TACC2: variants seen among roughly 807,000 people sequenced by gnomAD.
TACC2 encodes the protein transforming acidic coiled-coil-containing protein 2.
A neutral mutation model predicts 227.3 loss-of-function variants in TACC2; 137 were observed. The observed-to-expected ratio is 0.60, with a 90% CI of 0.52 to 0.69. The LOEUF is 0.69. Ranked by LOEUF, TACC2 falls within the 30% of genes least tolerant of loss-of-function variation. The pLI is 0.00. For synonymous variants in TACC2, 1,523 were observed against 1,487.5 expected, an observed-to-expected ratio of 1.02 and a Z score of -0.55; for missense variants, 3,470 against 3,694.4, an observed-to-expected ratio of 0.94 and a Z score of 1.57.
intron 7 of TACC2, among the ~76,000 whole-genome samples, chr10:122,189,592 T>C (rs927059397): frequency 7.2e-5 from 11 of 152,312 alleles, no homozygotes; most frequent in African/African-American, 2.6e-4. Context: ...CCCAAGACCC[T>C]CCCTCCAGTT....
intron 10 of TACC2, 91 bp from the exon 11 acceptor site, chr10:122,216,536 T>C: frequency 7.4e-7 from 1 of 1,342,870 alleles, no homozygotes; most frequent in Non-Finnish European, 1.0e-6. Flanking sequence ...CCGGGACCTG[T>C]CCTGGCTAAT....
intron 18 of TACC2, among the ~76,000 whole-genome samples, chr10:122,241,367 C>T (rs2095988764): frequency 6.6e-6 from 1 of 152,222 alleles, no homozygotes; most frequent in African/African-American, 2.4e-5. Context: ...TCATAGCTCA[C>T]TGTAGCCTCA....
At chr10:122,198,379 G>A (rs995411511) in intron 8 of TACC2, among the ~76,000 whole-genome samples, 1 of 152,148 alleles carries the variant, frequency 6.6e-6, no homozygotes, top group Non-Finnish European at 1.5e-5. Context: ...TTCCAGCTCC[G>A]GCCTCCCGAG....
chr10:122,248,420 G>A (rs2295880), intron 19 of TACC2: 43,700 of 572,260 alleles, frequency 0.076, 2,030 homozygotes, highest in East Asian at 0.15. Flanking sequence ...TCTACCTCAC[G>A]CGAGGCTGCA....
chr10:122,129,706 G>T (rs941843792), intron 5 of TACC2, among the ~76,000 whole-genome samples: 1 of 152,074 alleles, frequency 6.6e-6, no homozygotes, highest in Non-Finnish European at 1.5e-5. Flanking sequence ...ACACCCAGCC[G>T]GAGCTCCTGC....
chr10:122,105,355 T>C (rs2082630770), intron 5 of TACC2, among the ~76,000 whole-genome samples: 1 of 152,142 alleles, frequency 6.6e-6, no homozygotes, highest in Non-Finnish European at 1.5e-5. Flanking sequence ...TGATAAGGGA[T>C]GAAATTGGGC....
intron 5 of TACC2, among the ~76,000 whole-genome samples, chr10:122,129,697 C>T (rs949356966): frequency 1.3e-5 from 2 of 152,224 alleles, no homozygotes; most frequent in Non-Finnish European, 2.9e-5. Flanking sequence ...TTCACCAAGA[C>T]ACCCAGCCGG....
At chr10:122,070,935 A>G (rs1158019895) in intron 3 of TACC2, among the ~76,000 whole-genome samples, 43 of 151,918 alleles carry the variant, frequency 2.8e-4, no homozygotes, top group Non-Finnish European at 4.4e-5. Context: ...AAAAAAAAAA[A>G]GGGATATAAC....
intron 3 of TACC2, among the ~76,000 whole-genome samples, chr10:122,062,839 A>C (rs1414584574): frequency 6.6e-6 from 1 of 152,160 alleles, no homozygotes; most frequent in Admixed American, 6.5e-5. Flanking sequence ...TCATTTGTGG[A>C]ATCGGTCTGC....
intron 16 of TACC2, among the ~76,000 whole-genome samples, chr10:122,231,033 A>G (rs576624130): frequency 6.6e-5 from 10 of 152,326 alleles, no homozygotes; most frequent in African/African-American, 2.4e-4. Context: ...GCACTGTTCC[A>G]ATAAAACTTT....
intron 3 of TACC2, among the ~76,000 whole-genome samples, chr10:122,058,628 C>T (rs892437623): frequency 7.9e-5 from 12 of 152,078 alleles, no homozygotes; most frequent in African/African-American, 2.9e-4. Flanking sequence ...AGAATGGTCT[C>T]TATCTCTTGA....
At chr10:122,230,647 G>A (rs888388034) in intron 16 of TACC2, among the ~76,000 whole-genome samples, 1 of 152,226 alleles carries the variant, frequency 6.6e-6, no homozygotes, top group Non-Finnish European at 1.5e-5. Flanking sequence ...GCTAAACCGC[G>A]GGATAGTAAT....
At chr10:122,156,407 G>A (rs535068819) in intron 7 of TACC2, among the ~76,000 whole-genome samples, 201 of 150,872 alleles carry the variant, frequency 1.3e-3, no homozygotes, top group African/African-American at 4.7e-3. Context: ...TGTATTTTTA[G>A]TAGAGACGAG....
intron 2 of TACC2, among the ~76,000 whole-genome samples, chr10:122,035,040 C>T (rs1959813724): frequency 6.6e-6 from 1 of 152,098 alleles, no homozygotes; most frequent in South Asian, 2.1e-4. Context: ...AAGGAACTTG[C>T]TCACTGCCAT....
intron 3 of TACC2, chr10:122,051,525 G>T (rs2075683834): frequency 6.6e-6 from 1 of 152,020 alleles, no homozygotes; most frequent in Non-Finnish European, 1.5e-5. Context: ...CACGCTGGGG[G>T]CACTTAATAA....
At chr10:122,059,977 T>C (rs2076617359) in intron 3 of TACC2, among the ~76,000 whole-genome samples, 1 of 152,068 alleles carries the variant, frequency 6.6e-6, no homozygotes, top group African/African-American at 2.4e-5. Flanking sequence ...CTGGCACTCC[T>C]AAGGTTTGAG....
chr10:122,205,832 A>G lies in TACC2; in HGVS notation c.5972-4565A>G, dbSNP rs1259378041. On this transcript the variant is annotated intron_variant, in intron 8 of 22. Transcript: ENST00000369005. The surrounding 1 kb of genome is among the most constrained non-coding windows in gnomAD (Gnocchi z 4.5). Reference sequence around the variant, plus strand: ...GACTTGCTCTGAGCTACCCACAGCAACCAGCAAACTGCCACAGAAAGACCA... The same window carrying G: ...GACTTGCTCTGAGCTACCCACAGCAGCCAGCAAACTGCCACAGAAAGACCA... Among the ~76,000 whole-genome samples, 1 of 152,214 alleles carries G rather than the reference A, an allele frequency of 6.6e-6. No individual in the cohort carries two copies. The highest frequency in any genetic ancestry group is 1.9e-4 in the East Asian group (1 of 5,194).
intron 7 of TACC2, among the ~76,000 whole-genome samples, chr10:122,155,833 ATTTTTTT>A: frequency 1.7e-5 from 2 of 118,306 alleles, no homozygotes; most frequent in South Asian, 5.5e-4. Context: ...TAGTGGGAAA[ATTTTTTT>A]TTTTTTTTTT....
At chr10:122,027,655 C>T (rs541014562) in intron 2 of TACC2, among the ~76,000 whole-genome samples, 2 of 152,068 alleles carry the variant, frequency 1.3e-5, no homozygotes, top group South Asian at 4.2e-4. Context: ...TCATTTTATT[C>T]TTTTCTAAAA....
Sources: gnomAD v4.1 joint callset for allele counts (sites outside exome capture counted in the v4.1 genomes callset) on GRCh38, gnomAD v4.1.1 for gene constraint, Gnocchi (gnomAD v3.1) non-coding constraint, MANE v1.5 for transcripts, NCBI Gene and HGNC (gene_info 2026-07-23, HGNC 2026-07-21) for gene names.